CATSPERT: variants seen among roughly 807,000 people sequenced by gnomAD.
CATSPERT encodes the protein cation channel sperm-associated targeting subunit tau.
the CATSPERT span, chr2:201,553,252 G>A: frequency 2.6e-5 from 4 of 152,118 alleles, no homozygotes. Flanking sequence ...GTTAGCCTCA[G>A]GAGTATCAAT....
the CATSPERT span, chr2:201,487,683 G>C: frequency 1.2e-6 from 2 of 1,613,924 alleles, no homozygotes; most frequent in Non-Finnish European, 1.7e-6. Flanking sequence ...TCATTTATAT[G>C]AACTAAGCCT....
At chr2:201,557,367 A>G in the CATSPERT span, 2 of 152,256 alleles carry the variant, frequency 1.3e-5, no homozygotes, top group African/African-American at 4.8e-5. Context: ...GGATGCAAGT[A>G]TAGCATCCCT....
the CATSPERT span, chr2:201,555,115 T>C: frequency 6.6e-6 from 1 of 152,248 alleles, no homozygotes; most frequent in Non-Finnish European, 1.5e-5. Flanking sequence ...CGAATTACTA[T>C]AATTCCAAAC....
chr2:201,550,462 T>A, the CATSPERT span: 1 of 152,210 alleles, frequency 6.6e-6, no homozygotes, highest in East Asian at 1.9e-4. Context: ...TACCTACTCT[T>A]TAAACCTGTC....
chr2:201,594,402 G>T, the CATSPERT span, among the ~76,000 whole-genome samples: 5 of 152,148 alleles, frequency 3.3e-5, no homozygotes, highest in African/African-American at 7.2e-5. Context: ...CTCTCTGGCT[G>T]CCCTTAACAT....
chr2:201,563,818 G>A, the CATSPERT span, among the ~76,000 whole-genome samples: 1 of 152,144 alleles, frequency 6.6e-6, no homozygotes, highest in African/African-American at 2.4e-5. Context: ...TGTCTAAATC[G>A]TGTTGGAAAG....
the CATSPERT span, chr2:201,534,958 A>T: frequency 4.7e-5 from 20 of 423,974 alleles, no homozygotes; most frequent in African/African-American, 2.4e-4. Flanking sequence ...AAAATTCATA[A>T]AAGATATATG....
At chr2:201,605,372 C>T in the CATSPERT span, among the ~76,000 whole-genome samples, 4 of 152,200 alleles carry the variant, frequency 2.6e-5, no homozygotes, top group Admixed American at 6.5e-5. Context: ...CATCATGATG[C>T]GCACTGCTTC....
chr2:201,534,719 C>A, the CATSPERT span: 1 of 980,966 alleles, frequency 1.0e-6, no homozygotes, highest in Non-Finnish European at 1.2e-6. Flanking sequence ...TGTTAGCATG[C>A]CATTTCTGTA....
the CATSPERT span, chr2:201,574,137 A>G: frequency 9.2e-7 from 1 of 1,091,086 alleles, no homozygotes; most frequent in African/African-American, 1.6e-5. Flanking sequence ...TCAAACTGAA[A>G]TAGAGCCTCA....
the CATSPERT span, among the ~76,000 whole-genome samples, chr2:201,608,280 T>C: frequency 6.6e-6 from 1 of 152,038 alleles, no homozygotes; most frequent in Non-Finnish European, 1.5e-5. Context: ...CTCAAAGTAC[T>C]AGGATTAGAG....
chr2:201,532,557 A>G, the CATSPERT span, among the ~76,000 whole-genome samples: 6 of 152,330 alleles, frequency 3.9e-5, no homozygotes, highest in East Asian at 1.2e-3. Flanking sequence ...ATTTAAAGTT[A>G]CAGGGCTGAA....
the CATSPERT span, among the ~76,000 whole-genome samples, chr2:201,597,580 G>A: frequency 4.4e-4 from 67 of 152,108 alleles, 2 homozygotes; most frequent in South Asian, 7.5e-3. Flanking sequence ...GTTTCACTCC[G>A]CTGTGCGGGA....
chr2:201,537,622 A>G, the CATSPERT span: 2 of 583,092 alleles, frequency 3.4e-6, no homozygotes, highest in Non-Finnish European at 5.8e-6. Flanking sequence ...AAACATAAAC[A>G]CTACTTAGTA....
chr2:201,512,970 T>C, the CATSPERT span, among the ~76,000 whole-genome samples: 1 of 151,560 alleles, frequency 6.6e-6, no homozygotes, highest in Non-Finnish European at 1.5e-5. Context: ...TTAGGAGATA[T>C]ACCTAAAGCT....
chr2:201,493,797 T>C, the CATSPERT span: 3 of 1,536,540 alleles, frequency 2.0e-6, no homozygotes, highest in Non-Finnish European at 1.7e-6. Flanking sequence ...AGTTAGGTAC[T>C]TCGCTTATTA....
chr2:201,540,158 CA>C, the CATSPERT span, among the ~76,000 whole-genome samples: 2 of 152,104 alleles, frequency 1.3e-5, no homozygotes, highest in Non-Finnish European at 2.9e-5. Flanking sequence ...TTGAAGCCAG[CA>C]AATGTTGGTT....
At chr2:201,535,658 G>A in the CATSPERT span, 1 of 1,174,628 alleles carries the variant, frequency 8.5e-7, no homozygotes, top group South Asian at 4.1e-5. Context: ...TGCTTTTCTT[G>A]AAAGTTTTTT....
chr2:201,506,460 C>T, the CATSPERT span, among the ~76,000 whole-genome samples: 1 of 152,186 alleles, frequency 6.6e-6, no homozygotes, highest in South Asian at 2.1e-4. Flanking sequence ...AAAATCTATT[C>T]ATGTAATTCA....
Sources: gnomAD v4.1 joint callset for allele counts (sites outside exome capture counted in the v4.1 genomes callset) on GRCh38, gnomAD v4.1.1 for gene constraint, MANE v1.5 for transcripts, NCBI Gene and HGNC (gene_info 2026-07-23, HGNC 2026-07-21) for gene names.